Variants in DCAF8L2 observed in about 807,000 individuals in gnomAD.
The protein encoded by DCAF8L2 is DDB1- and CUL4-associated factor 8-like protein 2.
For synonymous variants in DCAF8L2, 200 were observed against 190.9 expected, an observed-to-expected ratio of 1.05 and a Z score of -0.39; for missense variants, 430 against 490.7, an observed-to-expected ratio of 0.88 and a Z score of 1.17.
chrX:27,719,597 G>A (rs958888013), intron 4 of DCAF8L2, among the ~76,000 whole-genome samples: 2 of 108,751 alleles, frequency 1.8e-5, no homozygotes, highest in East Asian at 2.9e-4. Flanking sequence ...GGTGCATGTC[G>A]CCATGCCTGG....
At chrX:27,578,796 G>GA in the DCAF8L2 span, among the ~76,000 whole-genome samples, 1 of 108,696 alleles carries the variant, frequency 9.2e-6, no homozygotes, top group East Asian at 2.9e-4. Context: ...ACAAACGTAT[G>GA]AAAAAAAGCT....
At chrX:27,547,823 CTCTCTCTCTCTCTCTCTCTCTT>C in the DCAF8L2 span, among the ~76,000 whole-genome samples, 4 of 94,574 alleles carry the variant, frequency 4.2e-5, no homozygotes, top group Non-Finnish European at 8.3e-5. Flanking sequence ...CCCATTTGCT[CTCTCTCTCTCTCTCTCTCTCTT>C]TCTCTCTCTC....
chrX:27,658,500 T>C (rs900709414), intron 2 of DCAF8L2, among the ~76,000 whole-genome samples: 13 of 112,093 alleles, frequency 1.2e-4, no homozygotes, highest in African/African-American at 3.2e-4. Flanking sequence ...GACACTGTTA[T>C]GTTTTTTAAG....
At chrX:27,630,040 C>CT (rs1172506659) in intron 1 of DCAF8L2, among the ~76,000 whole-genome samples, 1 of 111,387 alleles carries the variant, frequency 9.0e-6, no homozygotes, top group African/African-American at 3.3e-5. Flanking sequence ...AAGTTTACTC[C>CT]TAAGTATTTT....
At chrX:27,614,953 C>T (rs992429798) in intron 1 of DCAF8L2, among the ~76,000 whole-genome samples, 1 of 111,313 alleles carries the variant, frequency 9.0e-6, no homozygotes, top group Admixed American at 9.6e-5. Flanking sequence ...CCCATATACA[C>T]AATGATACAA....
At chrX:27,529,247 T>C in the DCAF8L2 span, among the ~76,000 whole-genome samples, 7 of 111,594 alleles carry the variant, frequency 6.3e-5, no homozygotes, top group Non-Finnish European at 1.3e-4. Context: ...TGGATGGCAC[T>C]GAACTACTCC....
chrX:27,482,217 A>C, the DCAF8L2 span, among the ~76,000 whole-genome samples: 37 of 111,633 alleles, frequency 3.3e-4, no homozygotes, highest in Non-Finnish European at 5.7e-4. Context: ...AATTGAATGA[A>C]TTTAGAAACG....
the DCAF8L2 span, among the ~76,000 whole-genome samples, chrX:27,542,842 A>T: frequency 9.1e-6 from 1 of 109,928 alleles, no homozygotes. Context: ...TTTGTTTTTC[A>T]CTTGGTTCAT....
intron 2 of DCAF8L2, among the ~76,000 whole-genome samples, chrX:27,646,753 T>C (rs1052459772): frequency 1.5e-4 from 17 of 110,169 alleles, no homozygotes; most frequent in Non-Finnish European, 2.7e-4. Context: ...GAAAAGAATA[T>C]GAACAGGCTA....
chrX:27,726,280 C>T (rs938793170), intron 4 of DCAF8L2, among the ~76,000 whole-genome samples: 1 of 111,359 alleles, frequency 9.0e-6, no homozygotes, highest in Non-Finnish European at 1.9e-5. Flanking sequence ...TTTCTCTAGA[C>T]TAATTTACAG....
At chrX:27,705,500 C>T (rs1381813619) in intron 3 of DCAF8L2, among the ~76,000 whole-genome samples, 1 of 111,387 alleles carries the variant, frequency 9.0e-6, no homozygotes, top group East Asian at 2.8e-4. Flanking sequence ...TGAATGCAAA[C>T]TTGTATCTTA....
chrX:27,553,630 C>G, the DCAF8L2 span, among the ~76,000 whole-genome samples: 1 of 111,195 alleles, frequency 9.0e-6, no homozygotes, highest in South Asian at 3.8e-4. Flanking sequence ...CACATAAAGT[C>G]TATGCCTGTC....
chrX:27,645,628 G>A (rs1391459298), intron 2 of DCAF8L2, among the ~76,000 whole-genome samples: 1 of 111,705 alleles, frequency 9.0e-6, no homozygotes, highest in Non-Finnish European at 1.9e-5. Context: ...AAATCAAATT[G>A]TCTTTGTTTG....
At chrX:27,727,569 C>A (rs917177997) in intron 4 of DCAF8L2, among the ~76,000 whole-genome samples, 1 of 111,487 alleles carries the variant, frequency 9.0e-6, no homozygotes, top group Non-Finnish European at 1.9e-5. Flanking sequence ...TTGATGCCTA[C>A]AAATTCTTCA....
chrX:27,726,298 T>G (rs1453214239), intron 4 of DCAF8L2, among the ~76,000 whole-genome samples: 3 of 111,724 alleles, frequency 2.7e-5, no homozygotes, highest in Non-Finnish European at 3.8e-5. Context: ...CAGTTCTACT[T>G]AAAACCAAAG....
intron 3 of DCAF8L2, among the ~76,000 whole-genome samples, chrX:27,688,429 T>C (rs1220342873): frequency 8.9e-6 from 1 of 112,056 alleles, no homozygotes; most frequent in Non-Finnish European, 1.9e-5. Flanking sequence ...ATAAGCTATT[T>C]AAAGCTTTTG....
At chrX:27,538,954 G>A in the DCAF8L2 span, among the ~76,000 whole-genome samples, 1 of 112,460 alleles carries the variant, frequency 8.9e-6, no homozygotes, top group African/African-American at 3.2e-5. Context: ...TCAGGGAAAT[G>A]TAATCCTAAT....
chrX:27,739,604 A>C (rs762124279), intron 4 of DCAF8L2, among the ~76,000 whole-genome samples: 1 of 111,647 alleles, frequency 9.0e-6, no homozygotes, highest in Non-Finnish European at 1.9e-5. Context: ...ATTTATATCT[A>C]TATTTATAAT....
intron 3 of DCAF8L2, among the ~76,000 whole-genome samples, chrX:27,706,176 C>T (rs138116489): frequency 9.9e-5 from 11 of 110,903 alleles, no homozygotes; most frequent in African/African-American, 3.0e-4. Flanking sequence ...GTACCAGTGC[C>T]GCGCTGTTTT....
Sources: allele counts gnomAD v4.1 joint callset (sites outside exome capture counted in the v4.1 genomes callset), GRCh38; gene constraint gnomAD v4.1.1; transcripts MANE v1.5; gene names NCBI Gene and HGNC (gene_info 2026-07-23, HGNC 2026-07-21).